NTNG1: variants seen among roughly 807,000 people sequenced by gnomAD.
NTNG1 encodes the protein netrin G1, also known as netrin-G1.
Under a neutral mutation model 54.0 loss-of-function variants are expected in NTNG1, and 16 were observed. The observed-to-expected ratio is 0.30, with a 90% CI of 0.20 to 0.45. The LOEUF (loss-of-function observed/expected upper bound fraction) is 0.45, where lower values mean the gene tolerates loss of function less well. Ranked by LOEUF, NTNG1 falls within the 20% of genes least tolerant of loss-of-function variation. The probability of loss-of-function intolerance (pLI) is 1.00; values close to 1 mark genes in which losing one functional copy is unlikely to be tolerated. For missense variants in NTNG1, 530 were observed against 678.7 expected, an observed-to-expected ratio of 0.78 and a Z score of 2.43; for synonymous variants, 255 against 263.1, an observed-to-expected ratio of 0.97 and a Z score of 0.30.
intron 7 of NTNG1, among the ~76,000 whole-genome samples, chr1:107,461,542 C>CT (rs951793256): frequency 3.6e-4 from 52 of 145,122 alleles, no homozygotes; most frequent in Middle Eastern, 7.0e-3. Context: ...TTTTTTTTTT[C>CT]TTTTTTTTTT....
At chr1:107,391,685 G>A (rs1254812765) in intron 3 of NTNG1, among the ~76,000 whole-genome samples, 2 of 152,076 alleles carry the variant, frequency 1.3e-5, no homozygotes, top group Admixed American at 6.5e-5. Context: ...ATGTCACATG[G>A]CAAGAGCAGG....
intron 2 of NTNG1, among the ~76,000 whole-genome samples, chr1:107,244,532 C>T (rs1417401544): frequency 2.0e-5 from 3 of 152,142 alleles, no homozygotes; most frequent in African/African-American, 4.8e-5. Flanking sequence ...AGATCATGTT[C>T]AAGCTTTAAA....
chr1:107,312,218 A>C (rs771435889), intron 2 of NTNG1, among the ~76,000 whole-genome samples: 2 of 152,184 alleles, frequency 1.3e-5, no homozygotes, highest in Non-Finnish European at 2.9e-5. Context: ...GCGGTGAAAA[A>C]TTTCATCTGT....
chr1:107,167,790 C>T (rs1490181013), intron 2 of NTNG1, among the ~76,000 whole-genome samples: 1 of 151,772 alleles, frequency 6.6e-6, no homozygotes, highest in Non-Finnish European at 1.5e-5. Flanking sequence ...GTATATTGCC[C>T]TTAAGTTTTC....
At chr1:107,233,922 C>T (rs1661229083) in intron 2 of NTNG1, among the ~76,000 whole-genome samples, 1 of 152,088 alleles carries the variant, frequency 6.6e-6, no homozygotes, top group Non-Finnish European at 1.5e-5. Context: ...ATTTTTGTTT[C>T]AGAATAAGAG....
chr1:107,253,935 C>T (rs997035269), intron 2 of NTNG1, among the ~76,000 whole-genome samples: 8 of 152,120 alleles, frequency 5.3e-5, no homozygotes, highest in South Asian at 2.1e-4. Context: ...CACTGAAAAC[C>T]GATTAGATTA....
rs541629678 is a variant in NTNG1, at chr1:107,284,126, C to G, written c.247-40156C>G. ...TTAGCTCCTTGAGGGTAGGTGTTAC[C>G]CCTTTATGCATCAGTGTACCATCAT... On this transcript the variant is annotated intron_variant, in intron 2 of 7. Transcript: ENST00000370068. Among the ~76,000 whole-genome samples, 226 of 151,982 alleles carry G rather than the reference C, an allele frequency of 1.5e-3. 2 individuals carry two copies. The highest frequency in any genetic ancestry group is 2.5e-3 in the Admixed American group (38 of 15,252).
At chr1:107,153,183 T>C (rs1654718211) in intron 2 of NTNG1, among the ~76,000 whole-genome samples, 1 of 152,204 alleles carries the variant, frequency 6.6e-6, no homozygotes, top group African/African-American at 2.4e-5. Flanking sequence ...AAAGGAACGC[T>C]GAGAGATGAG....
intron 2 of NTNG1, among the ~76,000 whole-genome samples, chr1:107,177,436 G>T (rs1656727712): frequency 6.6e-6 from 1 of 151,990 alleles, no homozygotes; most frequent in African/African-American, 2.4e-5. Context: ...CTGGGTTCAA[G>T]CAATTCTCTT....
chr1:107,436,639 G>A, intron 6 of NTNG1, 26 bp from the exon 7 acceptor site: 12 of 1,608,044 alleles, frequency 7.5e-6, no homozygotes, highest in Non-Finnish European at 9.3e-6. Context: ...CTTGTCTCCA[G>A]CCTGTGTGTT....
intron 7 of NTNG1, among the ~76,000 whole-genome samples, chr1:107,448,162 C>T (rs1384342440): frequency 6.6e-6 from 1 of 152,022 alleles, no homozygotes; most frequent in African/African-American, 2.4e-5. Context: ...TGACTTATAA[C>T]CATAGAATTT....
chr1:107,368,113 C>T (rs1344399478), intron 3 of NTNG1, among the ~76,000 whole-genome samples: 1 of 152,066 alleles, frequency 6.6e-6, no homozygotes, highest in Non-Finnish European at 1.5e-5. Flanking sequence ...ATAGGAACCC[C>T]TTTCTTCTAT....
At chr1:107,143,029 G>A (rs1653843182) in intron 1 of NTNG1, 1 of 152,122 alleles carries the variant, frequency 6.6e-6, no homozygotes, top group Non-Finnish European at 1.5e-5. Flanking sequence ...AAGGAAAAAT[G>A]TGCATCAAGT....
At chr1:107,283,990 A>G (rs1665032141) in intron 2 of NTNG1, among the ~76,000 whole-genome samples, 2 of 152,154 alleles carry the variant, frequency 1.3e-5, no homozygotes, top group Admixed American at 1.3e-4. Context: ...TCTTCAGAAT[A>G]ATCTTACTTG....
At chr1:107,208,191 A>C (rs944092315) in intron 2 of NTNG1, among the ~76,000 whole-genome samples, 1 of 152,170 alleles carries the variant, frequency 6.6e-6, no homozygotes, top group Non-Finnish European at 1.5e-5. Flanking sequence ...GCACTTTGAG[A>C]GGCCAAGACG....
chr1:107,409,553 A>G (rs968875305), intron 5 of NTNG1: 2 of 152,036 alleles, frequency 1.3e-5, no homozygotes, highest in African/African-American at 4.8e-5. Context: ...TTTTGTTTTG[A>G]AATCAGTGGT....
intron 4 of NTNG1, among the ~76,000 whole-genome samples, chr1:107,396,228 T>C (rs896618549): frequency 6.6e-5 from 10 of 152,086 alleles, no homozygotes; most frequent in Non-Finnish European, 1.3e-4. Flanking sequence ...GAATCAGAAC[T>C]TGAGAAGCCA....
At chr1:107,464,876 C>T (rs1212722985) in intron 7 of NTNG1, among the ~76,000 whole-genome samples, 1 of 152,048 alleles carries the variant, frequency 6.6e-6, no homozygotes, top group Non-Finnish European at 1.5e-5. Flanking sequence ...AATGTGATTC[C>T]TACCCCTAAA....
chr1:107,340,617 A>T (rs892992400), intron 3 of NTNG1, among the ~76,000 whole-genome samples: 4 of 152,072 alleles, frequency 2.6e-5, no homozygotes, highest in Admixed American at 6.6e-5. Flanking sequence ...TTCCAATGTT[A>T]TTTTACTATC....
Sources: gnomAD v4.1 joint callset for allele counts (sites outside exome capture counted in the v4.1 genomes callset) on GRCh38, gnomAD v4.1.1 for gene constraint, MANE v1.5 for transcripts, NCBI Gene and HGNC (gene_info 2026-07-23, HGNC 2026-07-21) for gene names.